Variants in MAL2 observed in about 807,000 individuals in gnomAD.
MAL2 encodes the protein protein MAL2.
Under a neutral mutation model 18.1 loss-of-function variants are expected in MAL2, and 17 were observed. That is an observed-to-expected ratio of 0.94 (90% CI 0.64 to 1.41). The LOEUF (loss-of-function observed/expected upper bound fraction) is 1.41. MAL2 is among the 40% of genes most tolerant of loss of function. The pLI, the probability that MAL2 is intolerant of heterozygous loss-of-function variation, is 0.00. For missense variants in MAL2, 222 were observed against 231.9 expected (o/e 0.96, Z 0.28); for synonymous variants, 102 against 102.3 (o/e 1.00, Z 0.02).
chr8:119,216,412 G>C (rs1817356027), intron 1 of MAL2, among the ~76,000 whole-genome samples: 1 of 152,134 alleles, frequency 6.6e-6, no homozygotes, highest in Non-Finnish European at 1.5e-5. Context: ...GAATGGATTT[G>C]TACCTCAATT....
chr8:119,225,509 T>A (rs1038005491), intron 2 of MAL2, among the ~76,000 whole-genome samples: 1 of 152,252 alleles, frequency 6.6e-6, no homozygotes, highest in African/African-American at 2.4e-5. Context: ...ATTTTCTTAA[T>A]CCAGCCTCAT....
chr8:119,230,463 GT>G (rs2129857145), intron 2 of MAL2, among the ~76,000 whole-genome samples: 1 of 152,214 alleles, frequency 6.6e-6, no homozygotes, highest in South Asian at 2.1e-4. Flanking sequence ...GGGGCAAGCA[GT>G]AATTGCTTGT....
intron 2 of MAL2, among the ~76,000 whole-genome samples, chr8:119,239,631 G>A (rs1196186941): frequency 6.6e-6 from 1 of 151,726 alleles, no homozygotes; most frequent in African/African-American, 2.4e-5. Flanking sequence ...GGACATGGAT[G>A]AAATTGGAAA....
chr8:119,244,026 A>G lies in MAL2; in HGVS notation c.*538A>G, dbSNP rs1818103318. 1 of 152,192 alleles carries G rather than the reference A, an allele frequency of 6.6e-6. No individual in the cohort carries two copies. Among genetic ancestry groups the G allele is most frequent in the Non-Finnish European group, 1.5e-5 (1 of 68,052 alleles). The allele number at this position is 152,192 out of a possible 1,614,324, so 9.4% of individuals were successfully genotyped here. On this transcript the variant is annotated 3_prime_UTR_variant, in exon 4 of 4. Coordinates refer to ENST00000614891, the MANE Select transcript of MAL2 (RefSeq NM_052886.3). ...AGTTCTGCTAGTATAGCGTGAAAGC[A>G]GCTATACACAATACAGAAATGAATG...
At chr8:119,215,914 T>A (rs969280613) in intron 1 of MAL2, among the ~76,000 whole-genome samples, 1 of 152,166 alleles carries the variant, frequency 6.6e-6, no homozygotes, top group Non-Finnish European at 1.5e-5. Context: ...CCAGTTATAT[T>A]GTATGTGTTG....
At position 119,230,722 on chromosome 8, in the gene MAL2, G is replaced by A. The variant is rs187076223; in HGVS notation, c.303+8965G>A. ...GTTAAATGAGTGCCTAATGATCTCA[G>A]ACAAATTTTCTCTTAATTTTTCTTA... On this transcript the variant is annotated intron_variant, in intron 2 of 3. Coordinates refer to ENST00000614891, the MANE Select transcript of MAL2 (RefSeq NM_052886.3). Among the ~76,000 whole-genome samples the A allele has an allele frequency of 5.9e-5, 9 of 152,272 alleles. No individual in the cohort carries two copies. The East Asian group carries it at 7.7e-4, about 13-fold the overall frequency.
intron 2 of MAL2, among the ~76,000 whole-genome samples, chr8:119,232,305 T>C (rs1817750226): frequency 1.3e-5 from 2 of 152,126 alleles, no homozygotes; most frequent in Admixed American, 6.5e-5. Context: ...CAAAAGTTAA[T>C]ATTTGTCTGG....
intron 3 of MAL2, among the ~76,000 whole-genome samples, chr8:119,241,038 A>C (rs144684791): frequency 6.6e-6 from 1 of 152,330 alleles, no homozygotes; most frequent in African/African-American, 2.4e-5. Context: ...ATTTAATATA[A>C]GTATATGGCA....
chr8:119,230,305 G>A (rs1196724571), intron 2 of MAL2, among the ~76,000 whole-genome samples: 3 of 152,048 alleles, frequency 2.0e-5, no homozygotes, highest in African/African-American at 7.3e-5. Context: ...TGAGAAGCGC[G>A]AGAAGTGTGT....
intron 2 of MAL2, among the ~76,000 whole-genome samples, chr8:119,235,521 G>A: frequency 7.4e-6 from 1 of 134,668 alleles, no homozygotes; most frequent in Non-Finnish European, 1.7e-5. Context: ...TTGAAATGAA[G>A]GAAAAAATGT....
In MAL2 at chr8:119,243,584, T is replaced by G. The variant is rs1818093906; in HGVS notation, c.*96T>G. On this transcript the variant is annotated 3_prime_UTR_variant, in exon 4 of 4. Transcript: ENST00000614891. Reference sequence around the variant, plus strand: ...CCATTTTGTCCAGATGCAAAAACATTCCAAAAGTAATGTGTTTAGTAGAGA... The same window carrying G: ...CCATTTTGTCCAGATGCAAAAACATGCCAAAAGTAATGTGTTTAGTAGAGA... 2.8e-6 allele frequency: 3 copies of G among 1,090,674 alleles called. No homozygotes were observed. Among genetic ancestry groups the G allele is most frequent in the Admixed American group, 3.0e-5 (1 of 33,202 alleles). The allele number at this position is 1,090,674 out of a possible 1,614,324, so 67.6% of individuals were successfully genotyped here.
intron 1 of MAL2, among the ~76,000 whole-genome samples, chr8:119,218,479 C>G (rs2129794676): frequency 6.6e-6 from 1 of 152,164 alleles, no homozygotes; most frequent in East Asian, 1.9e-4. Context: ...AGATTCTTCC[C>G]ATTATATTTC....
chr8:119,233,005 CAACTATGTGGTCAATT>C (rs1817768667), intron 2 of MAL2, among the ~76,000 whole-genome samples: 1 of 33,610 alleles, frequency 3.0e-5, no homozygotes, highest in African/African-American at 4.2e-5. Context: ...GCTTTACTTC[CAACTATGTGGTCAATT>C]TTGGAATAGG....
intron 1 of MAL2, among the ~76,000 whole-genome samples, chr8:119,216,540 T>A (rs1817358705): frequency 6.6e-6 from 1 of 152,216 alleles, no homozygotes. Context: ...AAATGTTAAG[T>A]ACTATTTCTG....
chr8:119,212,775 G>T (rs1272989469), intron 1 of MAL2, among the ~76,000 whole-genome samples: 1 of 152,146 alleles, frequency 6.6e-6, no homozygotes, highest in Non-Finnish European at 1.5e-5. Flanking sequence ...ACAGAGACAA[G>T]AAGGACAATG....
rs749458219 is a variant in MAL2, at chr8:119,243,463, T to C, written c.506T>C (p.Leu169Pro). ...GCTTGTTATGGTTGCAGTTTGGGTCTGGCTTTACGAAGATGGCGACCGTAA... is the reference window on the plus strand; with the variant it reads ...GCTTGTTATGGTTGCAGTTTGGGTCCGGCTTTACGAAGATGGCGACCGTAA... ...TTACYGCSLG[L>P]ALRRWRP Residue 169 changes from leucine to proline, a missense_variant, in exon 4 of 4, where the codon CTG becomes CCG. Coordinates refer to ENST00000614891, the MANE Select transcript of MAL2 (RefSeq NM_052886.3). 2 of 1,602,134 alleles carry C rather than the reference T, an allele frequency of 1.2e-6. No homozygotes were observed. Among genetic ancestry groups the C allele is most frequent in the Non-Finnish European group, 8.5e-7 (1 of 1,173,602 alleles).
intron 3 of MAL2, among the ~76,000 whole-genome samples, chr8:119,241,957 T>C (rs1363789042): frequency 6.6e-6 from 1 of 152,196 alleles, no homozygotes; most frequent in Admixed American, 6.5e-5. Flanking sequence ...TCCCTGAGGA[T>C]GATAGAATCC....
chr8:119,233,832 T>C (rs965624377), intron 2 of MAL2, among the ~76,000 whole-genome samples: 16 of 152,030 alleles, frequency 1.1e-4, no homozygotes, highest in African/African-American at 3.4e-4. Context: ...TTTATGAGGC[T>C]AGCATCATCC....
chr8:119,224,543 GA>G (rs893633518), intron 2 of MAL2, among the ~76,000 whole-genome samples: 1 of 151,918 alleles, frequency 6.6e-6, no homozygotes, highest in African/African-American at 2.4e-5. Context: ...GTTTTTTTAA[GA>G]TTTTTTTTAT....
Sources: gnomAD v4.1 joint callset for allele counts (sites outside exome capture counted in the v4.1 genomes callset) on GRCh38, gnomAD v4.1.1 for gene constraint, MANE v1.5 for transcripts, NCBI Gene and HGNC (gene_info 2026-07-23, HGNC 2026-07-21) for gene names.